LUC7L: variants seen among roughly 807,000 people sequenced by gnomAD.
LUC7L encodes LUC7 like, also known as putative RNA-binding protein Luc7-like 1.
Under a neutral mutation model 51.1 loss-of-function variants are expected in LUC7L, and 29 were observed. The observed-to-expected ratio is 0.57, with a 90% CI of 0.42 to 0.77. The LOEUF is 0.77. Among genes scored for constraint, LUC7L ranks in the 30% least tolerant of loss-of-function variants. The pLI, the probability that LUC7L is intolerant of heterozygous loss-of-function variation, is 0.00. For synonymous variants in LUC7L, 181 were observed against 180.7 expected, an observed-to-expected ratio of 1.00 and a Z score of -0.01; for missense variants, 403 against 511.9, an observed-to-expected ratio of 0.79 and a Z score of 2.05.
intron 6 of LUC7L, among the ~76,000 whole-genome samples, chr16:198,166 C>A (rs544039987): frequency 2.8e-4 from 42 of 149,118 alleles, no homozygotes; most frequent in African/African-American, 1.0e-3. Context: ...GTAGTCCCAG[C>A]TACTGTGGAG....
intron 1 of LUC7L, chr16:228,995 C>G (rs1281704028): frequency 2.1e-6 from 3 of 1,434,322 alleles, no homozygotes; most frequent in African/African-American, 2.9e-5. Flanking sequence ...CACGGAGCCG[C>G]GGCGCCCGCC....
intron 3 of LUC7L, among the ~76,000 whole-genome samples, chr16:211,873 G>A (rs2049650477): frequency 6.6e-6 from 1 of 152,160 alleles, no homozygotes; most frequent in Non-Finnish European, 1.5e-5. Flanking sequence ...CAGCTCTCCC[G>A]GCCCAGCAGC....
At chr16:201,368 A>C (rs2049323218) in intron 5 of LUC7L, among the ~76,000 whole-genome samples, 1 of 152,122 alleles carries the variant, frequency 6.6e-6, no homozygotes, top group African/African-American at 2.4e-5. Context: ...CATCTTTCAA[A>C]ATAAACTCTG....
intron 2 of LUC7L, among the ~76,000 whole-genome samples, chr16:226,584 C>T (rs1394305087): frequency 6.6e-6 from 1 of 152,124 alleles, no homozygotes; most frequent in Non-Finnish European, 1.5e-5. Flanking sequence ...TCAATGTATC[C>T]TCAACTGATT....
chr16:225,737 G>A (rs778123832), intron 2 of LUC7L, among the ~76,000 whole-genome samples: 3 of 151,026 alleles, frequency 2.0e-5, no homozygotes, highest in African/African-American at 7.3e-5. Context: ...CACCCGCCTC[G>A]GCCTCCCAAA....
chr16:215,380 G>A (rs2049762571), intron 3 of LUC7L, among the ~76,000 whole-genome samples: 1 of 152,056 alleles, frequency 6.6e-6, no homozygotes, highest in African/African-American at 2.4e-5. Context: ...CAGCACTTTG[G>A]GAGGCCGAGG....
intron 7 of LUC7L, among the ~76,000 whole-genome samples, chr16:192,450 C>CCTG (rs2049033819): frequency 6.6e-6 from 1 of 151,950 alleles, no homozygotes. Context: ...CACACACAGT[C>CCTG]CTGCGCTGGG....
At chr16:227,691 G>T in intron 1 of LUC7L, 1 of 1,056,632 alleles carries the variant, frequency 9.5e-7, no homozygotes, top group Non-Finnish European at 1.1e-6. Flanking sequence ...AACCACCAAG[G>T]GTGACTTATA....
intron 2 of LUC7L, among the ~76,000 whole-genome samples, 196 bp from the exon 3 acceptor site, chr16:220,943 G>C (rs887102331): frequency 2.0e-5 from 3 of 152,180 alleles, no homozygotes; most frequent in African/African-American, 2.4e-5. Context: ...CGTGATACTT[G>C]AAACTGATGC....
At chr16:223,087 C>T (rs1201846650) in intron 2 of LUC7L, among the ~76,000 whole-genome samples, 4 of 151,542 alleles carry the variant, frequency 2.6e-5, no homozygotes, top group East Asian at 2.0e-4. Flanking sequence ...AGGCTGGGCA[C>T]GGTGGCTCAC....
At chr16:198,327 C>A (rs867679886) in intron 6 of LUC7L, among the ~76,000 whole-genome samples, 1 of 139,952 alleles carries the variant, frequency 7.1e-6, no homozygotes. Flanking sequence ...GTCTTAGAGT[C>A]TTGAAGAAGG....
intron 2 of LUC7L, among the ~76,000 whole-genome samples, chr16:226,323 G>A (rs1410503570): frequency 2.6e-5 from 4 of 152,066 alleles, no homozygotes; most frequent in African/African-American, 9.7e-5. Context: ...TTTAACCTCC[G>A]TGAGGTAGCT....
rs190601917 is a variant in LUC7L at position 216,741 on chromosome 16, G to A, written c.255+3908C>T. ...ATGACTTTTAGGGAGTGGGAGATGC[G>A]GGTAGTTTTCAGGGAGTAACTCTTG... is the stretch of plus-strand genomic sequence containing the variant. On this transcript the variant is annotated intron_variant, in intron 3 of 9. Coordinates refer to ENST00000293872, the MANE Select transcript of LUC7L (RefSeq NM_201412.3). Among the ~76,000 whole-genome samples, 10 of 152,216 alleles carry A rather than the reference G, an allele frequency of 6.6e-5. No homozygotes were observed. In the East Asian group the frequency reaches 1.7e-3, roughly 26 times the overall value.
chr16:201,359 A>G (rs1032983531), intron 5 of LUC7L, among the ~76,000 whole-genome samples: 1 of 151,872 alleles, frequency 6.6e-6, no homozygotes, highest in African/African-American at 2.4e-5. Flanking sequence ...ACCTTCTAAC[A>G]TCTTTCAAAA....
intron 2 of LUC7L, among the ~76,000 whole-genome samples, chr16:221,801 T>C (rs1316327200): frequency 1.3e-5 from 2 of 152,160 alleles, no homozygotes; most frequent in Non-Finnish European, 2.9e-5. Context: ...AGATGCTCGA[T>C]GCTTAAGATG....
chr16:214,018 T>C (rs529858007), intron 3 of LUC7L, among the ~76,000 whole-genome samples: 2 of 146,824 alleles, frequency 1.4e-5, no homozygotes, highest in Non-Finnish European at 3.0e-5. Context: ...CTGGCTTGAG[T>C]TGAAATCGTT....
intron 3 of LUC7L, chr16:209,741 A>G (rs1300015858): frequency 6.6e-6 from 1 of 152,176 alleles, no homozygotes; most frequent in Non-Finnish European, 1.5e-5. Context: ...CCGCTCCTAA[A>G]ACAGACAGGA....
At chr16:208,521 G>T in intron 3 of LUC7L, 1 of 650,768 alleles carries the variant, frequency 1.5e-6, no homozygotes, top group Non-Finnish European at 2.0e-6. Flanking sequence ...AGTTCTCGGA[G>T]GGACAGAAAA....
At chr16:196,104 TA>T (rs113858900) in intron 6 of LUC7L, among the ~76,000 whole-genome samples, 29 of 149,144 alleles carry the variant, frequency 1.9e-4, no homozygotes, top group African/African-American at 4.2e-4. Flanking sequence ...TTGCAGATAT[TA>T]AAAAAAAAAT....
Sources: gnomAD v4.1 joint callset for allele counts (sites outside exome capture counted in the v4.1 genomes callset) on GRCh38, gnomAD v4.1.1 for gene constraint, MANE v1.5 for transcripts, NCBI Gene and HGNC (gene_info 2026-07-23, HGNC 2026-07-21) for gene names.